The following CCNJL variants were observed in gnomAD, a reference collection of about 807,000 sequenced individuals.
CCNJL encodes the protein cyclin J like, also known as cyclin-J-like protein.
CCNJL carries 33 observed loss-of-function variants against 33.4 expected under a neutral mutation model. The ratio of observed to expected loss-of-function variants is 0.99; its 90% CI spans 0.75 to 1.32. CCNJL has a LOEUF of 1.32. CCNJL is among the 40% of genes most tolerant of loss of function. CCNJL has a pLI of 0.00. For synonymous variants in CCNJL, 227 were observed against 220.9 expected (o/e 1.03, Z -0.24); for missense variants, 512 against 499.7 (o/e 1.02, Z -0.23).
chr5:160,294,346 G>A lies in CCNJL; in HGVS notation c.67-13608C>T, dbSNP rs11954552. Among the ~76,000 whole-genome samples, 148 of 152,290 alleles carry A rather than the reference G, an allele frequency of 9.7e-4. 1 individual carries two copies. Among genetic ancestry groups the A allele is most frequent in the African/African-American group, 2.1e-3 (87 of 41,554 alleles). On this transcript the variant is annotated intron_variant, in intron 2 of 5. Transcript: ENST00000257536. ...ACATAAGGCCAACAATGCCCGTAAC[G>A]TCCCCTCCTGCTGAAGTCCAGCCTG... is the stretch of plus-strand genomic sequence containing the variant.
chr5:160,254,111 AG>A lies in CCNJL; in HGVS notation c.744-314del, dbSNP rs1760947867. The A allele has an allele frequency of 1.5e-5, 7 of 461,908 alleles. No homozygotes were observed. In the East Asian group the frequency reaches 2.3e-4, roughly 15 times the overall value. 28.6% of individuals were successfully genotyped at this position (461,908 alleles called of 1,614,324 possible). On this transcript the variant is annotated intron_variant, in intron 5 of 5. Coordinates refer to ENST00000257536, the MANE Select transcript of CCNJL (RefSeq NM_001308173.3). ...TACCCCAGAGAGTAACCTGCTCCAG[AG>A]GGTAACTTCTAGTTACCTGGCTTCC...
intron 2 of CCNJL, among the ~76,000 whole-genome samples, chr5:160,281,903 A>T (rs141062589): frequency 9.3e-4 from 141 of 152,240 alleles, no homozygotes; most frequent in African/African-American, 3.3e-3. Context: ...GATCCTTCCC[A>T]CCTTGGCCTC....
In CCNJL at chr5:160,249,797, TAAATAAA is replaced by T. The variant is rs1760758565; in HGVS notation, c.*3574_*3580del. 3 of 136,116 alleles carry T rather than the reference TAAATAAA, an allele frequency of 2.2e-5. No homozygotes were observed. The highest frequency in any genetic ancestry group is 9.4e-5 in the African/African-American group (3 of 31,814). The allele number at this position is 136,116 out of a possible 1,614,324, so 8.4% of individuals were successfully genotyped here. On this transcript the variant is annotated 3_prime_UTR_variant, in exon 6 of 6. Transcript: ENST00000257536. ...ATAAATAAATAAATAAATAAATAAA[TAAATAAA>T]TAAAATAAAAATTTAAAAAATCAAA... is the stretch of plus-strand genomic sequence containing the variant.
At chr5:160,258,389 A>C in intron 4 of CCNJL, 1 of 794,016 alleles carries the variant, frequency 1.3e-6, no homozygotes, top group Non-Finnish European at 2.3e-6. Context: ...GATGTGAAAG[A>C]AGCCATAAGA....
At chr5:160,279,294 T>C (rs528401830) in intron 3 of CCNJL, among the ~76,000 whole-genome samples, 3 of 152,316 alleles carry the variant, frequency 2.0e-5, no homozygotes, top group African/African-American at 7.2e-5. Flanking sequence ...AAAATCTGAC[T>C]GTCAAGGATA....
At chr5:160,282,987 A>ATATATG in intron 2 of CCNJL, among the ~76,000 whole-genome samples, 1 of 58,152 alleles carries the variant, frequency 1.7e-5, no homozygotes, top group African/African-American at 7.7e-5. Context: ...ATATATATAT[A>ATATATG]TATATATATA....
Position 160,268,042 on chromosome 5 carries a change from C to T in CCNJL, c.281-8271G>A, listed in dbSNP as rs1761680214. ...AAACTTTTTGTACTAAAGGTGCTCC[C>T]CAGCCTGACTTTTTTTAAAAAACAG... is the stretch of plus-strand genomic sequence containing the variant. On this transcript the variant is annotated intron_variant, in intron 3 of 5. Transcript: ENST00000257536. 1.3e-5 allele frequency among the ~76,000 whole-genome samples: 2 copies of T among 152,196 alleles called. 1 individual carries two copies. The highest frequency in any genetic ancestry group is 4.8e-5 in the African/African-American group (2 of 41,446).
intron 5 of CCNJL, chr5:160,254,148 C>T (rs113420857): frequency 6.5e-6 from 3 of 464,752 alleles, no homozygotes; most frequent in East Asian, 3.3e-5. Flanking sequence ...AGGAGGATGG[C>T]GCCTGCTTGT....
intron 2 of CCNJL, among the ~76,000 whole-genome samples, chr5:160,293,282 G>A (rs191945364): frequency 3.3e-5 from 5 of 152,156 alleles, no homozygotes; most frequent in Non-Finnish European, 5.9e-5. Flanking sequence ...TTAGCTGGGC[G>A]TGGTGGTGCA....
chr5:160,338,128 G>T (rs1408571908), intron 1 of CCNJL, among the ~76,000 whole-genome samples: 1 of 152,200 alleles, frequency 6.6e-6, no homozygotes, highest in East Asian at 1.9e-4. Context: ...AGCTAAACCT[G>T]GCTCACTCCT....
chr5:160,333,394 G>A lies in CCNJL; in HGVS notation n.206+6051C>T, dbSNP rs771379641. 5.2e-4 allele frequency among the ~76,000 whole-genome samples: 79 copies of A among 152,014 alleles called. 1 individual carries two copies. The highest frequency in any genetic ancestry group is 6.5e-4 in the Non-Finnish European group (44 of 67,990). ...CCACTTCAGCCTCCCAAAGTGCTGG[G>A]ATTACAGGCATGAGCCACCGTGCCC... On this transcript the variant is annotated intron_variant and non_coding_transcript_variant, in intron 1 of 7. Transcript: ENST00000377503.
intron 3 of CCNJL, among the ~76,000 whole-genome samples, chr5:160,272,551 A>T (rs763089217): frequency 3.3e-5 from 5 of 152,228 alleles, no homozygotes; most frequent in Non-Finnish European, 7.3e-5. Flanking sequence ...CCAAGTGGAC[A>T]CGGGTGAGGG....
At chr5:160,321,001 T>C (rs1333769688) in intron 1 of CCNJL, among the ~76,000 whole-genome samples, 1 of 97,128 alleles carries the variant, frequency 1.0e-5, no homozygotes, top group Admixed American at 9.2e-5. Flanking sequence ...TTTCTTTCTC[T>C]CTCTCTCTCT....
chr5:160,280,069 A>C (rs571780760), intron 3 of CCNJL, among the ~76,000 whole-genome samples: 47 of 152,332 alleles, frequency 3.1e-4, no homozygotes, highest in Admixed American at 1.4e-3. Flanking sequence ...GTCACATTTC[A>C]AAACACCTTA....
At chr5:160,315,071 A>G (rs935397906), upstream of CCNJL, among the ~76,000 whole-genome samples, 27 of 152,228 alleles carry the variant, frequency 1.8e-4, no homozygotes, top group African/African-American at 6.5e-4. Context: ...CTTTTTCATC[A>G]TAGTGAACCA....
chr5:160,310,725 A>G (rs1016187312), intron 2 of CCNJL, among the ~76,000 whole-genome samples: 3 of 152,188 alleles, frequency 2.0e-5, no homozygotes, highest in Non-Finnish European at 4.4e-5. Context: ...TTCTACTCCA[A>G]TGATCGGGTA....
intron 3 of CCNJL, among the ~76,000 whole-genome samples, chr5:160,266,371 G>T (rs1761587758): frequency 6.6e-6 from 1 of 152,240 alleles, no homozygotes; most frequent in Non-Finnish European, 1.5e-5. Context: ...TTCCTTCCTG[G>T]AGTGGAGAAA....
At chr5:160,314,851 C>CT (rs1343166963), upstream of CCNJL, among the ~76,000 whole-genome samples, 6 of 152,022 alleles carry the variant, frequency 3.9e-5, no homozygotes, top group East Asian at 7.7e-4. Context: ...AAATTAAAAG[C>CT]TTTTTTTAAA....
chr5:160,259,059 A>C (rs146248647), intron 4 of CCNJL, among the ~76,000 whole-genome samples: 1 of 152,280 alleles, frequency 6.6e-6, no homozygotes, highest in African/African-American at 2.4e-5. Context: ...AGTTTCAAGT[A>C]AGTTTCAAGT....
Sources: gnomAD v4.1 joint callset for allele counts (sites outside exome capture counted in the v4.1 genomes callset) on GRCh38, gnomAD v4.1.1 for gene constraint, MANE v1.5 for transcripts, NCBI Gene and HGNC (gene_info 2026-07-23, HGNC 2026-07-21) for gene names.